BCL2L14: variants seen among roughly 807,000 people sequenced by gnomAD.
BCL2L14 encodes apoptosis facilitator Bcl-2-like protein 14.
In BCL2L14, 27 loss-of-function variants were observed where a neutral mutation model predicts 35.3. The ratio of observed to expected loss-of-function variants is 0.76; its 90% CI spans 0.56 to 1.05. BCL2L14 has a LOEUF of 1.05. Ranked by LOEUF, BCL2L14 falls within the 50% of genes least tolerant of loss-of-function variation. The probability of loss-of-function intolerance (pLI) is 0.00; values close to 1 mark genes in which losing one functional copy is unlikely to be tolerated. For synonymous variants in BCL2L14, 139 were observed against 145.9 expected (o/e 0.95, Z 0.34); for missense variants, 377 against 382.6 (o/e 0.99, Z 0.12).
intron 2 of BCL2L14, among the ~76,000 whole-genome samples, chr12:12,082,306 T>A (rs1948945894): frequency 6.6e-6 from 1 of 152,200 alleles, no homozygotes; most frequent in Admixed American, 6.5e-5. Context: ...CGGCCCCCTG[T>A]GGTCCTTCCC....
chr12:12,091,981 G>C (rs1949198673), intron 4 of BCL2L14, among the ~76,000 whole-genome samples: 1 of 152,184 alleles, frequency 6.6e-6, no homozygotes, highest in Non-Finnish European at 1.5e-5. Context: ...GAGTCAACGG[G>C]TGCCTTGTGA....
Position 12,082,858 on chromosome 12 carries a change from T to TTA in BCL2L14, c.433+3120_433+3121insTA, listed in dbSNP as rs1948956795. 4.6e-5 allele frequency among the ~76,000 whole-genome samples: 7 copies of TTA among 152,350 alleles called. No individual in the cohort carries two copies. The South Asian group carries it at 1.5e-3, about 32-fold the overall frequency. The stretch of plus-strand genomic sequence containing the variant: ...GTGTTTTTTACTTGTGTTACTTGTG[T>TTA]CGGTTTTACATTGAGCGTGATCCAA... On this transcript the variant is annotated intron_variant, in intron 2 of 5. Coordinates refer to ENST00000308721, the MANE Select transcript of BCL2L14 (RefSeq NM_138723.2).
At chr12:12,052,753 G>C (rs2065656953) in intron 2 of BCL2L14, among the ~76,000 whole-genome samples, 1 of 152,202 alleles carries the variant, frequency 6.6e-6, no homozygotes, top group Admixed American at 6.5e-5. Context: ...TGGGATTGCT[G>C]TATCAGGACC....
Position 12,095,909 on chromosome 12 carries a change from T to G in BCL2L14, c.945+979T>G, listed in dbSNP as rs920619666. 3.0e-6 allele frequency: 3 copies of G among 985,326 alleles called. No homozygotes were observed. In the African/African-American group the frequency reaches 5.2e-5, roughly 17 times the overall value. The allele number at this position is 985,326 out of a possible 1,614,324, so 61.0% of individuals were successfully genotyped here. A position where few individuals can be genotyped will look rare whatever the true frequency, so the allele number is the denominator to read the frequency against. ...ACTTTTGCACCAAGTTTGATAACCCTAAGTGGCTGATCTGAACAACCAAGG... is the reference window on the plus strand; with the variant it reads ...ACTTTTGCACCAAGTTTGATAACCCGAAGTGGCTGATCTGAACAACCAAGG... On this transcript the variant is annotated intron_variant, in intron 5 of 5. Transcript: ENST00000308721.
Position 12,099,676 on chromosome 12 carries a change from T to A in BCL2L14, c.*688T>A, listed in dbSNP as rs190517309. The stretch of plus-strand genomic sequence containing the variant: ...ATTGGTAGCAGGTAAAATAAATACA[T>A]AGAAAGACTACTGTCAAAAGAGTGT... On this transcript the variant is annotated 3_prime_UTR_variant, in exon 6 of 6. Transcript: ENST00000308721. 1 of 152,204 alleles carries A rather than the reference T, an allele frequency of 6.6e-6. No homozygotes were observed. Among genetic ancestry groups the A allele is most frequent in the Non-Finnish European group, 1.5e-5 (1 of 68,030 alleles). 9.4% of individuals were successfully genotyped at this position (152,204 alleles called of 1,614,324 possible). A position where few individuals can be genotyped will look rare whatever the true frequency, so the allele number is the denominator to read the frequency against.
intron 5 of BCL2L14, among the ~76,000 whole-genome samples, chr12:12,097,161 T>TA (rs1006741800): frequency 4.0e-5 from 6 of 151,570 alleles, no homozygotes; most frequent in African/African-American, 1.5e-4. Context: ...TAAAAAAAAT[T>TA]AAAAAAAATA....
intron 2 of BCL2L14, among the ~76,000 whole-genome samples, chr12:12,062,337 T>C (rs899250630): frequency 4.8e-5 from 7 of 146,000 alleles, no homozygotes; most frequent in Admixed American, 2.0e-4. Context: ...CCTTCTTTCC[T>C]GTTCCTCACC....
chr12:12,079,835 G>C, intron 2 of BCL2L14, 97 bp downstream of exon 2: 1 of 1,236,894 alleles, frequency 8.1e-7, no homozygotes, highest in Non-Finnish European at 1.1e-6. Context: ...AGTGGCTTTA[G>C]AGAAGGCATG....
intron 2 of BCL2L14, among the ~76,000 whole-genome samples, chr12:12,062,073 A>C (rs1347554358): frequency 1.3e-5 from 2 of 151,980 alleles, no homozygotes; most frequent in African/African-American, 2.4e-5. Flanking sequence ...GGCCCTCAAA[A>C]TCACAAACTA....
At chr12:12,071,527 GA>G (rs767614810) in intron 1 of BCL2L14, 1 of 152,154 alleles carries the variant, frequency 6.6e-6, no homozygotes, top group Non-Finnish European at 1.5e-5. Context: ...AGACCACGAG[GA>G]TTCAGGGACT....
chr12:12,065,414 T>C lies in BCL2L14; in HGVS notation c.-271-12292T>C, dbSNP rs140458754. 9.4e-3 allele frequency among the ~76,000 whole-genome samples: 1,430 copies of C among 151,778 alleles called. 22 individuals carry two copies. Among genetic ancestry groups the C allele is most frequent in the Middle Eastern group, 0.014 (4 of 294 alleles). ...AGCTGGGCATGATGGCGTGCACCTGTAATCTAAGTGACTCTGGAGACTGAG... is the reference window on the plus strand; with the variant it reads ...AGCTGGGCATGATGGCGTGCACCTGCAATCTAAGTGACTCTGGAGACTGAG... On this transcript the variant is annotated intron_variant, in intron 2 of 3. Coordinates refer to the BCL2L14 transcript ENST00000461264.
chr12:12,064,930 A>G (rs747662183), intron 2 of BCL2L14, among the ~76,000 whole-genome samples: 3 of 152,218 alleles, frequency 2.0e-5, no homozygotes, highest in African/African-American at 7.2e-5. Context: ...TGGCCAGGCC[A>G]GTTATAGCAA....
intron 2 of BCL2L14, among the ~76,000 whole-genome samples, chr12:12,081,805 C>A (rs1477703153): frequency 6.6e-6 from 1 of 152,140 alleles, no homozygotes; most frequent in Non-Finnish European, 1.5e-5. Context: ...GATCTGCCCA[C>A]CTTGGGCTCC....
At chr12:12,062,181 T>C (rs1057356053) in intron 2 of BCL2L14, among the ~76,000 whole-genome samples, 63 of 151,680 alleles carry the variant, frequency 4.2e-4, no homozygotes, top group Middle Eastern at 3.4e-3. Flanking sequence ...CCTTCAGCTG[T>C]ACTCACTCTT....
At chr12:12,068,757 C>T (rs945181838), upstream of BCL2L14, among the ~76,000 whole-genome samples, 6 of 151,978 alleles carry the variant, frequency 3.9e-5, no homozygotes, top group Non-Finnish European at 8.8e-5. Flanking sequence ...TCTTGGCTTC[C>T]CACAAGAAGG....
At position 12,098,972 on chromosome 12, in the gene BCL2L14, A is replaced by T; in HGVS notation, c.968A>T (p.His323Leu). The change falls in exon 6 of 6, where the codon CAT (histidine) becomes CTT (leucine). Residue 323 changes from histidine to leucine, a missense_variant. His to Leu is a moderately conservative substitution (Grantham distance 99). Coordinates refer to ENST00000308721, the MANE Select transcript of BCL2L14 (RefSeq NM_138723.2). ...GGWEKILGIS[H>L]EEVD ...TAGGAAAAAATACTTGGGATATCAC[A>T]TGAAGAAGTAGACTGAAATATCAGA... 6.2e-7 allele frequency: 1 copy of T among 1,600,878 alleles called. No homozygotes were observed. Among genetic ancestry groups the T allele is most frequent in the African/African-American group, 1.3e-5 (1 of 74,796 alleles).
intron 2 of BCL2L14, among the ~76,000 whole-genome samples, chr12:12,081,864 C>A (rs1948933207): frequency 6.6e-6 from 1 of 152,112 alleles, no homozygotes. Flanking sequence ...GCCGCAAAGC[C>A]AGATTTTAAA....
chr12:12,056,127 T>C (rs1466238585), intron 2 of BCL2L14, among the ~76,000 whole-genome samples: 6 of 152,162 alleles, frequency 3.9e-5, no homozygotes, highest in African/African-American at 1.4e-4. Context: ...ACCTTATTCC[T>C]TGGTTACAAA....
chr12:12,096,247 T>C, intron 5 of BCL2L14: 1 of 836,140 alleles, frequency 1.2e-6, no homozygotes, highest in Non-Finnish European at 1.4e-6. Context: ...CTCAGAGAAA[T>C]TATAATTATC....
Sources: gnomAD v4.1 joint callset for allele counts (sites outside exome capture counted in the v4.1 genomes callset) on GRCh38, gnomAD v4.1.1 for gene constraint, MANE v1.5 for transcripts, NCBI Gene and HGNC (gene_info 2026-07-23, HGNC 2026-07-21) for gene names.